The following TBCA variants were observed in gnomAD, a reference collection of about 807,000 sequenced individuals.
The protein encoded by TBCA is tubulin-specific chaperone A.
TBCA carries 6 observed loss-of-function variants against 15.8 expected under a neutral mutation model. The observed-to-expected ratio is 0.38, with a 90% CI of 0.21 to 0.75. The LOEUF (loss-of-function observed/expected upper bound fraction) is 0.75. Among genes scored for constraint, TBCA ranks in the 30% least tolerant of loss-of-function variants. The probability of loss-of-function intolerance (pLI) is 0.46; values close to 1 mark genes in which losing one functional copy is unlikely to be tolerated. For missense variants in TBCA, 90 were observed against 131.2 expected (o/e 0.69, Z 1.53); for synonymous variants, 32 against 42.3 (o/e 0.76, Z 0.94).
intron 2 of TBCA, among the ~76,000 whole-genome samples, chr5:77,706,254 T>C (rs1346294798): frequency 6.6e-6 from 1 of 152,208 alleles, no homozygotes; most frequent in Non-Finnish European, 1.5e-5. Context: ...TACAAGCTGG[T>C]TCACATTCTC....
chr5:77,766,313 TA>T (rs1300438472), intron 1 of TBCA, among the ~76,000 whole-genome samples: 1 of 152,146 alleles, frequency 6.6e-6, no homozygotes, highest in Non-Finnish European at 1.5e-5. Context: ...CACAATAGAC[TA>T]GTCTCTTCCT....
chr5:77,700,463 A>G (rs975443082), intron 2 of TBCA, among the ~76,000 whole-genome samples: 1 of 152,204 alleles, frequency 6.6e-6, no homozygotes, highest in African/African-American at 2.4e-5. Flanking sequence ...AACATTCAAC[A>G]TTATTAGCCA....
At chr5:77,749,308 TAC>T (rs1049514281) in intron 1 of TBCA, among the ~76,000 whole-genome samples, 2 of 152,238 alleles carry the variant, frequency 1.3e-5, no homozygotes, top group Non-Finnish European at 2.9e-5. Context: ...CAGCATGGAC[TAC>T]AGTTATTATA....
At chr5:77,760,988 C>T (rs989969779) in intron 1 of TBCA, among the ~76,000 whole-genome samples, 3 of 151,524 alleles carry the variant, frequency 2.0e-5, no homozygotes, top group African/African-American at 7.3e-5. Context: ...AGCGCCTCTG[C>T]CCGGCCGCCA....
chr5:77,701,376 G>C (rs916387068), intron 2 of TBCA, among the ~76,000 whole-genome samples: 3 of 151,906 alleles, frequency 2.0e-5, no homozygotes, highest in African/African-American at 7.3e-5. Context: ...CCTTATTCCT[G>C]CAAGAACGAT....
intron 1 of TBCA, among the ~76,000 whole-genome samples, chr5:77,770,604 G>C (rs937503740): frequency 6.6e-5 from 10 of 151,838 alleles, no homozygotes; most frequent in African/African-American, 2.2e-4. Context: ...GTGTTCAACA[G>C]TTCTGTGCTG....
chr5:77,758,939 G>T (rs527299380), intron 1 of TBCA, among the ~76,000 whole-genome samples: 1 of 152,158 alleles, frequency 6.6e-6, no homozygotes, highest in Non-Finnish European at 1.5e-5. Context: ...TCACTTTAGT[G>T]TGACAACCGG....
chr5:77,711,301 T>C (rs1272897049), intron 1 of TBCA, among the ~76,000 whole-genome samples: 1 of 152,174 alleles, frequency 6.6e-6, no homozygotes, highest in Non-Finnish European at 1.5e-5. Flanking sequence ...CCATATGGCC[T>C]GCAAAACCTA....
chr5:77,732,414 G>T (rs1263139184), intron 1 of TBCA, among the ~76,000 whole-genome samples: 1 of 151,980 alleles, frequency 6.6e-6, no homozygotes, highest in Admixed American at 6.6e-5. Flanking sequence ...AGCCGGGCGT[G>T]GTGACGGGCG....
At chr5:77,729,692 G>A (rs993015424) in intron 1 of TBCA, among the ~76,000 whole-genome samples, 37 of 152,250 alleles carry the variant, frequency 2.4e-4, no homozygotes, top group Middle Eastern at 6.8e-3. Context: ...ATAACAAAAA[G>A]TACACTCAGA....
chr5:77,706,406 C>T (rs983135), intron 2 of TBCA, among the ~76,000 whole-genome samples: 22,526 of 151,892 alleles, frequency 0.15, 2,197 homozygotes, highest in East Asian at 0.35. Flanking sequence ...TGTCCCATTC[C>T]TGGTGAAAGA....
intron 1 of TBCA, among the ~76,000 whole-genome samples, chr5:77,730,069 C>A (rs1177033034): frequency 6.6e-6 from 1 of 152,146 alleles, no homozygotes; most frequent in East Asian, 1.9e-4. Context: ...AGCTCTGAAG[C>A]TTGGATATTC....
chr5:77,732,550 C>CACAAAAAAA (rs1236069449), intron 1 of TBCA, among the ~76,000 whole-genome samples: 1 of 89,490 alleles, frequency 1.1e-5, no homozygotes, highest in African/African-American at 4.5e-5. Flanking sequence ...GACTCTGTCT[C>CACAAAAAAA]AAAAAAAAAA....
intron 2 of TBCA, among the ~76,000 whole-genome samples, 166 bp downstream of exon 2, chr5:77,708,076 G>A (rs137899480): frequency 1.4e-3 from 216 of 152,216 alleles, no homozygotes; most frequent in African/African-American, 4.8e-3. Flanking sequence ...TGTGATTTGC[G>A]CAGTTATTTA....
chr5:77,694,808 C>T (rs560270080), intron 2 of TBCA, among the ~76,000 whole-genome samples: 2 of 152,252 alleles, frequency 1.3e-5, no homozygotes, highest in East Asian at 1.9e-4. Context: ...TTATAACATA[C>T]AAAGAAGTTC....
At chr5:77,725,342 T>A (rs1424353486) in intron 1 of TBCA, among the ~76,000 whole-genome samples, 1 of 152,224 alleles carries the variant, frequency 6.6e-6, no homozygotes, top group Non-Finnish European at 1.5e-5. Context: ...GATTAATTGA[T>A]CATCAATTTA....
At chr5:77,752,622 A>G (rs1242512703) in intron 1 of TBCA, among the ~76,000 whole-genome samples, 1 of 62,354 alleles carries the variant, frequency 1.6e-5, no homozygotes, top group South Asian at 4.1e-4. Flanking sequence ...GCAGTGGCGC[A>G]ATCTCGGCTC....
At chr5:77,700,197 T>A (rs1338490904) in intron 2 of TBCA, among the ~76,000 whole-genome samples, 2 of 152,030 alleles carry the variant, frequency 1.3e-5, no homozygotes, top group African/African-American at 2.4e-5. Context: ...CAAGCAAGAT[T>A]CTGTCTCAAA....
chr5:77,766,217 A>G (rs1191086352), intron 1 of TBCA, among the ~76,000 whole-genome samples: 1 of 152,184 alleles, frequency 6.6e-6, no homozygotes, highest in African/African-American at 2.4e-5. Flanking sequence ...CCCCTCTATT[A>G]AACTAGAATT....
Sources: allele counts gnomAD v4.1 joint callset (sites outside exome capture counted in the v4.1 genomes callset), GRCh38; gene constraint gnomAD v4.1.1; transcripts MANE v1.5; gene names NCBI Gene and HGNC (gene_info 2026-07-23, HGNC 2026-07-21).